The following GRM7 variants were observed in gnomAD, a reference collection of about 807,000 sequenced individuals.
GRM7 encodes the protein glutamate metabotropic receptor 7.
GRM7 carries 35 observed loss-of-function variants against 84.5 expected under a neutral mutation model. That is an observed-to-expected ratio of 0.41 (90% CI 0.32 to 0.55). The LOEUF is 0.55. Among genes scored for constraint, GRM7 ranks in the 20% least tolerant of loss-of-function variants. The pLI is 0.19. For missense variants in GRM7, 1,003 were observed against 1,194.6 expected, an observed-to-expected ratio of 0.84 and a Z score of 2.36; for synonymous variants, 487 against 455.1, an observed-to-expected ratio of 1.07 and a Z score of -0.89.
At chr3:7,095,273 G>T (rs1163803499) in intron 1 of GRM7, among the ~76,000 whole-genome samples, 2 of 152,150 alleles carry the variant, frequency 1.3e-5, no homozygotes, top group Non-Finnish European at 2.9e-5. Flanking sequence ...TGAGTCTCCA[G>T]TTCCACTCTT....
intron 7 of GRM7, among the ~76,000 whole-genome samples, chr3:7,467,867 A>G (rs1333661560): frequency 6.6e-6 from 1 of 152,222 alleles, no homozygotes; most frequent in Non-Finnish European, 1.5e-5. Flanking sequence ...AAAGAAAAAA[A>G]AATCAGCCAT....
At chr3:7,317,608 TAC>T (rs1700629360) in intron 4 of GRM7, among the ~76,000 whole-genome samples, 2 of 152,120 alleles carry the variant, frequency 1.3e-5, no homozygotes, top group Admixed American at 1.3e-4. Context: ...CTACATCAGT[TAC>T]AGTGTTGGTT....
intron 2 of GRM7, among the ~76,000 whole-genome samples, chr3:7,261,036 G>A (rs1238158339): frequency 6.6e-6 from 1 of 152,116 alleles, no homozygotes; most frequent in African/African-American, 2.4e-5. Context: ...AGTCTTCCCT[G>A]TGTCCCGGTC....
At chr3:7,460,437 G>A (rs1698199717) in intron 6 of GRM7, among the ~76,000 whole-genome samples, 1 of 152,032 alleles carries the variant, frequency 6.6e-6, no homozygotes, top group Non-Finnish European at 1.5e-5. Flanking sequence ...CACATTGGGA[G>A]AGGGTACTGA....
intron 1 of GRM7, among the ~76,000 whole-genome samples, chr3:7,020,964 T>C (rs1179183918): frequency 6.6e-6 from 1 of 152,184 alleles, no homozygotes; most frequent in Non-Finnish European, 1.5e-5. Flanking sequence ...TGACTGTAGA[T>C]AGGGTCTCTT....
intron 1 of GRM7, among the ~76,000 whole-genome samples, chr3:6,886,999 G>A (rs1695721109): frequency 6.6e-6 from 1 of 151,832 alleles, no homozygotes; most frequent in Non-Finnish European, 1.5e-5. Flanking sequence ...ACTACAAAAT[G>A]TCTATCATTC....
At chr3:7,142,390 G>A (rs1310108420) in intron 1 of GRM7, among the ~76,000 whole-genome samples, 2 of 152,062 alleles carry the variant, frequency 1.3e-5, no homozygotes, top group Non-Finnish European at 2.9e-5. Context: ...GAGGCCTCAG[G>A]AAACTTACAA....
intron 2 of GRM7, among the ~76,000 whole-genome samples, chr3:7,283,890 A>G (rs756666211): frequency 6.6e-6 from 1 of 152,230 alleles, no homozygotes; most frequent in Non-Finnish European, 1.5e-5. Flanking sequence ...ATTCTAATAA[A>G]TCCAATTTCA....
chr3:7,702,413 C>A (rs974105688), intron 9 of GRM7, among the ~76,000 whole-genome samples: 3 of 152,198 alleles, frequency 2.0e-5, no homozygotes, highest in Admixed American at 6.5e-5. Context: ...TATGTACAAC[C>A]TTTGCCATGC....
intron 1 of GRM7, among the ~76,000 whole-genome samples, chr3:7,074,146 C>T (rs1697984052): frequency 2.6e-5 from 4 of 152,126 alleles, no homozygotes; most frequent in African/African-American, 7.2e-5. Flanking sequence ...CATGTGTTCT[C>T]AGGAGTTTAC....
At chr3:7,179,156 T>G (rs924093843) in intron 2 of GRM7, among the ~76,000 whole-genome samples, 1 of 152,142 alleles carries the variant, frequency 6.6e-6, no homozygotes, top group Non-Finnish European at 1.5e-5. Flanking sequence ...CATAGTACAC[T>G]GCAAACTTCA....
chr3:7,424,669 A>C (rs1696531686), intron 5 of GRM7, among the ~76,000 whole-genome samples: 1 of 152,182 alleles, frequency 6.6e-6, no homozygotes, highest in African/African-American at 2.4e-5. Context: ...TAATTACTCA[A>C]CAAGTGAATG....
chr3:7,008,544 C>G (rs975130598), intron 1 of GRM7, among the ~76,000 whole-genome samples: 1 of 152,196 alleles, frequency 6.6e-6, no homozygotes. Context: ...AAATTTGCAT[C>G]TCTTCCAACA....
intron 2 of GRM7, among the ~76,000 whole-genome samples, chr3:7,197,258 G>C: frequency 6.6e-6 from 1 of 152,182 alleles, no homozygotes; most frequent in Non-Finnish European, 1.5e-5. Flanking sequence ...TTGGCACTGG[G>C]TGCTCATCGT....
chr3:7,193,934 T>C (rs1695798902), intron 2 of GRM7, among the ~76,000 whole-genome samples: 1 of 152,114 alleles, frequency 6.6e-6, no homozygotes, highest in Non-Finnish European at 1.5e-5. Flanking sequence ...TGACAACAGA[T>C]ATCTTGATTA....
chr3:7,546,517 G>A lies in GRM7; in HGVS notation c.1516-31905G>A, dbSNP rs550823580. Among the ~76,000 whole-genome samples, 6 of 152,340 alleles carry A rather than the reference G, an allele frequency of 3.9e-5. No homozygotes were observed. The East Asian group carries it at 7.7e-4, about 20-fold the overall frequency. ...TGCCGTAGGAGAAGCAGGTAACACA[G>A]CGTCAAGGCTGCTATGCCCTACAGA... On this transcript the variant is annotated intron_variant, in intron 7 of 9. Coordinates refer to ENST00000357716, the MANE Select transcript of GRM7 (RefSeq NM_000844.4).
At chr3:7,072,168 T>C (rs369742577) in intron 1 of GRM7, among the ~76,000 whole-genome samples, 9 of 152,052 alleles carry the variant, frequency 5.9e-5, no homozygotes, top group East Asian at 5.8e-4. Context: ...ACCTGCAGCA[T>C]CTCTTGTAGG....
intron 7 of GRM7, among the ~76,000 whole-genome samples, chr3:7,546,264 C>G (rs1172112704): frequency 6.6e-6 from 1 of 152,190 alleles, no homozygotes; most frequent in Non-Finnish European, 1.5e-5. Flanking sequence ...GCATTCTATG[C>G]CTAACATTTT....
chr3:7,368,202 A>T (rs1428627119), intron 4 of GRM7, among the ~76,000 whole-genome samples: 2 of 151,908 alleles, frequency 1.3e-5, no homozygotes, highest in East Asian at 3.9e-4. Flanking sequence ...CATTTCTGGA[A>T]CTTGTTTCCT....
Sources: gnomAD v4.1 joint callset for allele counts (sites outside exome capture counted in the v4.1 genomes callset) on GRCh38, gnomAD v4.1.1 for gene constraint, MANE v1.5 for transcripts, NCBI Gene and HGNC (gene_info 2026-07-23, HGNC 2026-07-21) for gene names.